The following KLF5 variants were observed in gnomAD, a reference collection of about 807,000 sequenced individuals.
The protein encoded by KLF5 is KLF transcription factor 5.
KLF5 carries 9 observed loss-of-function variants against 36.9 expected under a neutral mutation model. The ratio of observed to expected loss-of-function variants is 0.24; its 90% CI spans 0.15 to 0.43. The LOEUF is 0.43. KLF5 is among the 20% of genes least tolerant of loss of function. The probability of loss-of-function intolerance (pLI) is 1.00; values close to 1 mark genes in which losing one functional copy is unlikely to be tolerated. For synonymous variants in KLF5, 246 were observed against 241.7 expected (o/e 1.02, Z -0.17); for missense variants, 524 against 599.5 (o/e 0.87, Z 1.31).
At chr13:73,073,521 A>G (rs1223930288) in intron 3 of KLF5, among the ~76,000 whole-genome samples, 1 of 152,186 alleles carries the variant, frequency 6.6e-6, no homozygotes, top group Non-Finnish European at 1.5e-5. Context: ...AGTGAACAAA[A>G]AGAGTCTAGT....
chr13:73,068,716 A>G (rs1235939851), intron 3 of KLF5, among the ~76,000 whole-genome samples: 1 of 151,710 alleles, frequency 6.6e-6, no homozygotes, highest in Non-Finnish European at 1.5e-5. Context: ...AAAAAAAAAA[A>G]AAAAAAAAAA....
rs2044762793 is a variant in KLF5 at position 73,076,523 on chromosome 13, A to AT, written c.*638dup. On this transcript the variant is annotated 3_prime_UTR_variant, in exon 4 of 4. Coordinates refer to ENST00000377687, the MANE Select transcript of KLF5 (RefSeq NM_001730.5). The stretch of plus-strand genomic sequence containing the variant: ...AGTCATAATTCTTTTGAAAATAACC[A>AT]TGAATACACTTACAGTTAGGATTTG... 1 of 152,636 alleles carries AT rather than the reference A, an allele frequency of 6.6e-6. No individual in the cohort carries two copies. The highest frequency in any genetic ancestry group is 2.1e-4 in the South Asian group (1 of 4,830). 9.5% of individuals were successfully genotyped at this position (152,636 alleles called of 1,614,324 possible).
intron 3 of KLF5, among the ~76,000 whole-genome samples, chr13:73,067,062 G>A (rs999849802): frequency 1.3e-5 from 2 of 152,128 alleles, no homozygotes; most frequent in Non-Finnish European, 2.9e-5. Flanking sequence ...AATAATTATG[G>A]CTGCTTCTAG....
chr13:73,066,888 A>C (rs954223491), intron 3 of KLF5, among the ~76,000 whole-genome samples: 1 of 152,202 alleles, frequency 6.6e-6, no homozygotes, highest in Non-Finnish European at 1.5e-5. Flanking sequence ...ATTAGACAAT[A>C]CTGGAAACAT....
intron 3 of KLF5, among the ~76,000 whole-genome samples, chr13:73,065,630 G>C (rs1175669693): frequency 6.6e-6 from 1 of 152,074 alleles, no homozygotes; most frequent in East Asian, 1.9e-4. Context: ...AAATACAAAT[G>C]ACAAGTGCCA....
chr13:73,075,622 T>C (rs995680934), intron 3 of KLF5, 86 bp from the exon 4 acceptor site: 1 of 1,200,054 alleles, frequency 8.3e-7, no homozygotes, highest in Non-Finnish European at 1.2e-6. Context: ...CAAGATTTTT[T>C]TTTTCTTTGA....
At chr13:73,065,914 A>T (rs1224074834) in intron 3 of KLF5, among the ~76,000 whole-genome samples, 1 of 152,212 alleles carries the variant, frequency 6.6e-6, no homozygotes, top group Admixed American at 6.5e-5. Context: ...CCTGCGATTC[A>T]GGAACTTGAC....
In KLF5 at chr13:73,059,462, C is replaced by T; in HGVS notation, c.135C>T (p.Leu45=). 1 of 1,277,728 alleles carries T rather than the reference C, an allele frequency of 7.8e-7. No individual in the cohort carries two copies. Among genetic ancestry groups the T allele is most frequent in the Non-Finnish European group, 9.9e-7 (1 of 1,012,570 alleles). The allele number at this position is 1,277,728 out of a possible 1,614,324, so 79.1% of individuals were successfully genotyped here. A position where few individuals can be genotyped will look rare whatever the true frequency, so the allele number is the denominator to read the frequency against. Reference sequence around the variant, plus strand: ...CGAATCCGGCCCGCGACGCGGCGCTCTTCCCCGGCGAGGAGCTGAAGCACG... The same window carrying T: ...CGAATCCGGCCCGCGACGCGGCGCTTTTCCCCGGCGAGGAGCTGAAGCACG... ...GAANPARDAA[L]FPGEELKHAH... is the part of the protein sequence containing the mutation. Residue 45 remains leucine (L), a synonymous_variant, in exon 1 of 4, where the codon CTC becomes CTT. Transcript: ENST00000377687.
At position 73,062,592 on chromosome 13, in the gene KLF5, A is replaced by G. The variant is rs2139104942; in HGVS notation, c.993A>G (p.Thr331=). Residue 331 remains threonine, a synonymous_variant, in exon 2 of 4, where the codon ACA becomes ACG. Coordinates refer to ENST00000377687, the MANE Select transcript of KLF5 (RefSeq NM_001730.5). ...NLTPPPSYAA[T]IASKLAIHNP... ...CCCCACCTCCATCCTATGCTGCTAC[A>G]ATTGCTTCTAAACTGGCAATTCACA... 1.2e-6 allele frequency: 2 copies of G among 1,614,232 alleles called. No homozygotes were observed.
In KLF5 at chr13:73,059,053, G is replaced by T. The variant is rs919802242; in HGVS notation, c.-275G>T. 3.2e-6 allele frequency: 1 copy of T among 314,130 alleles called. No homozygotes were observed. The allele number at this position is 314,130 out of a possible 1,614,324, so 19.5% of individuals were successfully genotyped here. A position where few individuals can be genotyped will look rare whatever the true frequency, so the allele number is the denominator to read the frequency against. On this transcript the variant is annotated 5_prime_UTR_variant, in exon 1 of 4. Transcript: ENST00000377687. ...TCGCGGTTCTCTCGCGGAGGTCGGC[G>T]GTGGCGGGAGCGGGCTCCGGAGAGC...
At chr13:73,058,171 C>T (rs1039599299), upstream of KLF5, among the ~76,000 whole-genome samples, 2 of 152,160 alleles carry the variant, frequency 1.3e-5, no homozygotes, top group Non-Finnish European at 2.9e-5. Flanking sequence ...TTGAGCTAGT[C>T]GTGCTTAAAT....
At chr13:73,068,346 A>G (rs1218093023) in intron 3 of KLF5, among the ~76,000 whole-genome samples, 1 of 152,134 alleles carries the variant, frequency 6.6e-6, no homozygotes, top group African/African-American at 2.4e-5. Flanking sequence ...TATAATCTGT[A>G]CTTGAGATTT....
chr13:73,055,248 G>A (rs1345252190), upstream of KLF5: 1 of 152,108 alleles, frequency 6.6e-6, no homozygotes, highest in East Asian at 1.9e-4. Flanking sequence ...TGCATAAAGG[G>A]AGTTTTATGA....
At chr13:73,074,630 A>G (rs2044746831) in intron 3 of KLF5, among the ~76,000 whole-genome samples, 1 of 152,188 alleles carries the variant, frequency 6.6e-6, no homozygotes, top group Non-Finnish European at 1.5e-5. Flanking sequence ...AATTAAGACT[A>G]CATTATGAAT....
rs569327072 is a variant in KLF5, at chr13:73,075,644, C to T, written c.1196-64C>T. On this transcript the variant is annotated intron_variant, in intron 3 of 3. Coordinates refer to ENST00000377687, the MANE Select transcript of KLF5 (RefSeq NM_001730.5). The stretch of plus-strand genomic sequence containing the variant: ...TTTTTTTTCTTTGAAATTCCTTCTC[C>T]GGTGTTATCTAGGATGTTTGCATTA... 5.5e-5 allele frequency: 73 copies of T among 1,321,178 alleles called. No individual in the cohort carries two copies. The East Asian group carries it at 7.5e-4, about 14-fold the overall frequency. The allele number at this position is 1,321,178 out of a possible 1,614,324, so 81.8% of individuals were successfully genotyped here.
rs144565716 is a variant in KLF5, at chr13:73,064,915, T to C, written c.1195+1032T>C. On this transcript the variant is annotated intron_variant, in intron 3 of 3. Transcript: ENST00000377687. The stretch of plus-strand genomic sequence containing the variant: ...TAAGATGAAACCAGGTGGCATACTT[T>C]AAAGGCCCCCCAAATACTCCAAATA... Among the ~76,000 whole-genome samples the C allele has an allele frequency of 3.0e-4, 45 of 152,342 alleles. No homozygotes were observed. The East Asian group carries it at 8.5e-3, about 29-fold the overall frequency.
At chr13:73,058,192 G>A (rs537224559), upstream of KLF5, among the ~76,000 whole-genome samples, 4 of 152,328 alleles carry the variant, frequency 2.6e-5, no homozygotes, top group Middle Eastern at 3.4e-3. Context: ...TAGATTCCAT[G>A]CTTCGGCTAG....
intron 3 of KLF5, among the ~76,000 whole-genome samples, chr13:73,070,395 G>A (rs371589271): frequency 1.5e-4 from 23 of 152,306 alleles, no homozygotes; most frequent in Middle Eastern, 3.4e-3. Context: ...ACACTTTAAC[G>A]TCAGTGCGAA....
chr13:73,060,157 TAAAA>T (rs535575783), intron 1 of KLF5, among the ~76,000 whole-genome samples: 7 of 116,676 alleles, frequency 6.0e-5, no homozygotes, highest in Non-Finnish European at 8.4e-5. Flanking sequence ...TATTTTTCCT[TAAAA>T]AAAAAAAAAA....
Sources: gnomAD v4.1 joint callset for allele counts (sites outside exome capture counted in the v4.1 genomes callset) on GRCh38, gnomAD v4.1.1 for gene constraint, MANE v1.5 for transcripts, NCBI Gene and HGNC (gene_info 2026-07-23, HGNC 2026-07-21) for gene names.